The following DSE variants were observed in gnomAD, a reference collection of about 807,000 sequenced individuals.
The protein encoded by DSE is dermatan-sulfate epimerase.
In DSE, 36 loss-of-function variants were observed where a neutral mutation model predicts 84.4. The ratio of observed to expected loss-of-function variants is 0.43; its 90% confidence interval spans 0.33 to 0.56. The LOEUF is 0.56. Ranked by LOEUF, DSE falls within the 20% of genes least tolerant of loss-of-function variation. The pLI, the probability that DSE is intolerant of heterozygous loss-of-function variation, is 0.06. For missense variants in DSE, 862 were observed against 1,169.6 expected (o/e 0.74, Z 3.84); for synonymous variants, 410 against 430.1 (o/e 0.95, Z 0.58).
At chr6:116,368,150 T>C (rs1562258064), upstream of DSE, among the ~76,000 whole-genome samples, 1 of 152,170 alleles carries the variant, frequency 6.6e-6, no homozygotes, top group Non-Finnish European at 1.5e-5. Flanking sequence ...GGGGTCACTT[T>C]TTCCTAATCC....
Position 116,436,565 on chromosome 6 carries a change from G to A in DSE, c.2097G>A (p.Trp699Ter), listed in dbSNP as rs1241467661. 2.5e-6 allele frequency: 4 copies of A among 1,614,154 alleles called. No homozygotes were observed. The highest frequency in any genetic ancestry group is 1.7e-6 in the Non-Finnish European group (2 of 1,180,026). Residue 699 changes from tryptophan (W) to a stop codon, truncating the protein, a stop_gained, in exon 6 of 6, where the codon TGG becomes TGA. Coordinates refer to ENST00000644252, the MANE Select transcript of DSE (RefSeq NM_013352.4). LOFTEE classifies it high-confidence loss of function. The part of the protein sequence containing the change: ...TSKHAYATYL[W>*]TGEATGQSAF... ...AACATGCCTACGCCACATACCTGTG[G>A]ACAGGTGAGGCCACAGGACAGTCTG...
At chr6:116,257,060 A>G (rs1375570767) in intron 1 of DSE, among the ~76,000 whole-genome samples, 2 of 152,260 alleles carry the variant, frequency 1.3e-5, no homozygotes, top group East Asian at 3.8e-4. Context: ...ACTAAAGTAT[A>G]AAGATTGGAA....
At chr6:116,290,361 A>G (rs751069116) in intron 2 of DSE, among the ~76,000 whole-genome samples, 5 of 152,170 alleles carry the variant, frequency 3.3e-5, no homozygotes, top group Admixed American at 6.6e-5. Context: ...TTAAACAGCC[A>G]TGGAAACTTT....
At chr6:116,273,191 T>G (rs1772956380) in intron 2 of DSE, among the ~76,000 whole-genome samples, 1 of 152,200 alleles carries the variant, frequency 6.6e-6, no homozygotes, top group African/African-American at 2.4e-5. Context: ...TCAGGTCATA[T>G]CTAAGACATA....
rs369073964 is a variant in DSE at position 116,374,145 on chromosome 6, AG to A, written c.-54+3027del. Among the ~76,000 whole-genome samples the A allele has an allele frequency of 2.6e-4, 39 of 152,000 alleles. No individual in the cohort carries two copies. In the East Asian group the frequency reaches 7.3e-3, roughly 29 times the overall value. ...TGTGTAGGCAAGCTCCAACCTGTTG[AG>A]GGTGTGGATTCCAGATCCTCTTTCA... is the stretch of plus-strand genomic sequence containing the variant. On this transcript the variant is annotated intron_variant, in intron 1 of 5. Transcript: ENST00000644252.
At chr6:116,310,866 C>T (rs6568933) in intron 2 of DSE, among the ~76,000 whole-genome samples, 6,696 of 152,284 alleles carry the variant, frequency 0.044, 252 homozygotes, top group African/African-American at 0.095. Flanking sequence ...CTAATGGTTT[C>T]CCATTACACT....
At chr6:116,287,710 A>G (rs1353537564) in intron 2 of DSE, among the ~76,000 whole-genome samples, 1 of 152,090 alleles carries the variant, frequency 6.6e-6, no homozygotes, top group African/African-American at 2.4e-5. Flanking sequence ...ATAGTATGAT[A>G]TCTAGCATCC....
At position 116,433,575 on chromosome 6, in the gene DSE, AAG is replaced by A. The variant is rs780622475; in HGVS notation, c.1118+29_1118+30del. On this transcript the variant is annotated intron_variant, in intron 5 of 5. Coordinates refer to ENST00000644252, the MANE Select transcript of DSE (RefSeq NM_013352.4). ...GGTATGACACATTGGGCTAGCTTTA[AAG>A]AGAAATGGTACCCAAGGGTACTATT... The A allele has an allele frequency of 3.1e-5, 49 of 1,583,908 alleles. No individual in the cohort carries two copies. In the South Asian group the frequency reaches 5.3e-4, roughly 17 times the overall value.
intron 1 of DSE, among the ~76,000 whole-genome samples, chr6:116,375,881 T>C (rs1158614760): frequency 6.6e-6 from 1 of 152,202 alleles, no homozygotes; most frequent in Non-Finnish European, 1.5e-5. Context: ...GCTAGTGTCT[T>C]ACCCTCATTT....
intron 2 of DSE, among the ~76,000 whole-genome samples, chr6:116,275,490 G>A (rs1773092184): frequency 6.6e-6 from 1 of 152,232 alleles, no homozygotes; most frequent in South Asian, 2.1e-4. Flanking sequence ...TTTATCTGCT[G>A]ACAACTATGC....
At chr6:116,318,138 A>G (rs141623475) in intron 2 of DSE, among the ~76,000 whole-genome samples, 1 of 152,362 alleles carries the variant, frequency 6.6e-6, no homozygotes, top group Non-Finnish European at 1.5e-5. Context: ...TTCGACATTC[A>G]TGATTTCATT....
intron 2 of DSE, among the ~76,000 whole-genome samples, chr6:116,402,878 T>G (rs1781682719): frequency 1.3e-5 from 2 of 152,206 alleles, no homozygotes; most frequent in Non-Finnish European, 2.9e-5. Context: ...GCCTATGAGA[T>G]ATACATGCAT....
intron 2 of DSE, among the ~76,000 whole-genome samples, chr6:116,319,643 G>C (rs899138054): frequency 2.6e-5 from 4 of 152,200 alleles, no homozygotes; most frequent in African/African-American, 9.6e-5. Flanking sequence ...TCATATCCTG[G>C]TCTTACTTAA....
intron 1 of DSE, among the ~76,000 whole-genome samples, chr6:116,397,722 A>G (rs572990133): frequency 6.6e-6 from 1 of 152,358 alleles, no homozygotes; most frequent in Admixed American, 6.5e-5. Flanking sequence ...GGCAGAGTCC[A>G]AGAGTTATTT....
At chr6:116,331,438 C>T (rs751781456) in intron 2 of DSE, among the ~76,000 whole-genome samples, 17 of 152,130 alleles carry the variant, frequency 1.1e-4, no homozygotes, top group Non-Finnish European at 2.4e-4. Context: ...ACCATCAGAT[C>T]TCATGAGAAG....
chr6:116,336,478 G>A (rs970850142), intron 2 of DSE, among the ~76,000 whole-genome samples: 3 of 152,170 alleles, frequency 2.0e-5, no homozygotes, highest in African/African-American at 4.8e-5. Context: ...AAAGTAGGCC[G>A]GGCGCAGTGG....
At chr6:116,369,603 G>C (rs1467058199), upstream of DSE, among the ~76,000 whole-genome samples, 1 of 152,184 alleles carries the variant, frequency 6.6e-6, no homozygotes, top group Non-Finnish European at 1.5e-5. Context: ...TTGAACCAAA[G>C]ATTAGTTCCA....
At chr6:116,311,919 G>A (rs797008948) in intron 2 of DSE, among the ~76,000 whole-genome samples, 109 of 152,072 alleles carry the variant, frequency 7.2e-4, no homozygotes, top group African/African-American at 2.5e-3. Flanking sequence ...CTTATTTGCC[G>A]CTGCATTCCC....
At chr6:116,315,756 C>G (rs1775933918) in intron 2 of DSE, among the ~76,000 whole-genome samples, 2 of 152,212 alleles carry the variant, frequency 1.3e-5, no homozygotes, top group African/African-American at 4.8e-5. Flanking sequence ...AATCCCAGCA[C>G]TTTGGGAGGA....
Sources: allele counts gnomAD v4.1 joint callset (sites outside exome capture counted in the v4.1 genomes callset), GRCh38; gene constraint gnomAD v4.1.1; transcripts MANE v1.5; gene names NCBI Gene and HGNC (gene_info 2026-07-23, HGNC 2026-07-21).